SAG: variants seen among roughly 807,000 people sequenced by gnomAD.
SAG encodes S-arrestin.
SAG carries 45 observed loss-of-function variants against 55.0 expected under a neutral mutation model. That is an observed-to-expected ratio of 0.82 (90% confidence interval 0.64 to 1.05). The LOEUF (loss-of-function observed/expected upper bound fraction) is 1.05, where lower values mean the gene tolerates loss of function less well. Ranked by LOEUF, SAG falls within the 50% of genes least tolerant of loss-of-function variation. The probability of loss-of-function intolerance (pLI) is 0.00; values close to 1 mark genes in which losing one functional copy is unlikely to be tolerated. For missense variants in SAG, 455 were observed against 512.1 expected (o/e 0.89, Z 1.08); for synonymous variants, 189 against 197.4 (o/e 0.96, Z 0.36).
intron 3 of SAG, among the ~76,000 whole-genome samples, chr2:233,318,470 C>A (rs1700279030): frequency 6.6e-6 from 1 of 152,260 alleles, no homozygotes; most frequent in African/African-American, 2.4e-5. Context: ...TAGGCTCGAG[C>A]AGTCCTCCTG....
At chr2:233,325,237 A>G (rs4663508) in intron 6 of SAG, among the ~76,000 whole-genome samples, 11,058 of 150,586 alleles carry the variant, frequency 0.073, 505 homozygotes, top group Admixed American at 0.11. Context: ...TGGGCATGGT[A>G]GTGTGCTACT....
At chr2:233,308,505 G>A (rs943055695) in intron 1 of SAG, among the ~76,000 whole-genome samples, 1 of 151,464 alleles carries the variant, frequency 6.6e-6, no homozygotes, top group African/African-American at 2.4e-5. Flanking sequence ...CTTAATTCTA[G>A]ACCGCTAAGA....
chr2:233,320,076 A>C (rs1188398809), intron 4 of SAG: 2 of 745,966 alleles, frequency 2.7e-6, no homozygotes, highest in Non-Finnish European at 3.3e-6. Context: ...AATGCTCAGT[A>C]TGTTTCAGAG....
At chr2:233,315,848 G>A (rs1398476762) in intron 2 of SAG, among the ~76,000 whole-genome samples, 16 of 151,690 alleles carry the variant, frequency 1.1e-4, no homozygotes, top group South Asian at 2.1e-4. Context: ...GACTACAGGC[G>A]CGTGCCACCA....
chr2:233,331,499 G>A (rs1700761400), intron 9 of SAG, 141 bp from the exon 10 acceptor site: 1 of 707,870 alleles, frequency 1.4e-6, no homozygotes, highest in Non-Finnish European at 2.6e-6. Flanking sequence ...TGAAGCTGAG[G>A]GCTGAGAAAG....
In SAG at chr2:233,331,637, C is replaced by T. The variant is rs2125340580; in HGVS notation, c.734-3C>T. 2 of 1,608,922 alleles carry T rather than the reference C, an allele frequency of 1.2e-6. No individual in the cohort carries two copies. The highest frequency in any genetic ancestry group is 1.7e-6 in the Non-Finnish European group (2 of 1,175,396). On this transcript the variant is annotated splice_polypyrimidine_tract_variant and splice_region_variant and intron_variant, in intron 9 of 15. Transcript: ENST00000409110. The stretch of plus-strand genomic sequence containing the variant: ...CCACCGGACTCCCGTCTTCCCCTTG[C>T]AGTGGAACAGGTGGCCAATGTGGTT...
rs369174962 is a variant in SAG at position 233,329,525 on chromosome 2, C to A, written c.681C>A (p.Thr227=). 1 of 1,613,292 alleles carries A rather than the reference C, an allele frequency of 6.2e-7. No individual in the cohort carries two copies. The highest frequency in any genetic ancestry group is 1.7e-5 in the Admixed American group (1 of 60,022). The change falls in exon 9 of 16, where the codon ACC becomes ACA. Residue 227 remains threonine (T), a synonymous_variant. Transcript: ENST00000409110. ...TCCATGGGGAGCCCATCCCTGTGAC[C>A]GTGACTGTCACCAATAACACAGAGA... ...IYFHGEPIPV[T]VTVTNNTEKT... is the part of the protein sequence containing the mutation.
intron 9 of SAG, among the ~76,000 whole-genome samples, chr2:233,330,740 C>T (rs1389943704): frequency 6.6e-6 from 1 of 152,062 alleles, no homozygotes; most frequent in Non-Finnish European, 1.5e-5. Context: ...CCATGTTGGC[C>T]AGGCTGGTTT....
At position 233,327,114 on chromosome 2, in the gene SAG, C is replaced by T; in HGVS notation, c.436-7C>T. 6.2e-7 allele frequency: 1 copy of T among 1,613,378 alleles called. No individual in the cohort carries two copies. Among genetic ancestry groups the T allele is most frequent in the Non-Finnish European group, 8.5e-7 (1 of 1,179,356 alleles). On this transcript the variant is annotated splice_region_variant and splice_polypyrimidine_tract_variant and intron_variant, in intron 6 of 15. Coordinates refer to ENST00000409110, the MANE Select transcript of SAG (RefSeq NM_000541.5). Reference sequence around the variant, plus strand: ...ATCGCTGCCTGTCTGCTCTCTCTCCCCAACAGTCCTGTGGGGTTGACTTTG... The same window carrying T: ...ATCGCTGCCTGTCTGCTCTCTCTCCTCAACAGTCCTGTGGGGTTGACTTTG...
rs1276782626 is a variant in SAG at position 233,328,697 on chromosome 2, T to G, written c.648+84T>G. 6 of 1,411,982 alleles carry G rather than the reference T, an allele frequency of 4.2e-6. No individual in the cohort carries two copies. The African/African-American group carries it at 8.6e-5, about 20-fold the overall frequency. 87.5% of individuals were successfully genotyped at this position (1,411,982 alleles called of 1,614,324 possible). ...CCCCTCTCTTCACCAGCCCCAGCCC[T>G]TAACTACATGGGTGCCTTGCAAGGA... On this transcript the variant is annotated intron_variant, in intron 8 of 15. Transcript: ENST00000409110.
rs1016945688 is a variant in SAG at position 233,318,736 on chromosome 2, C to G, written c.137-15C>G. The G allele has an allele frequency of 6.2e-7, 1 of 1,612,724 alleles. No individual in the cohort carries two copies. Among genetic ancestry groups the G allele is most frequent in the African/African-American group, 1.3e-5 (1 of 74,884 alleles). ...TCTTCTCCACCCTCACTGCTCTCTCCCTCTTTTGCCTTAGATGGTGTCGTG... is the reference window on the plus strand; with the variant it reads ...TCTTCTCCACCCTCACTGCTCTCTCGCTCTTTTGCCTTAGATGGTGTCGTG... On this transcript the variant is annotated splice_polypyrimidine_tract_variant and intron_variant, in intron 3 of 15. Coordinates refer to ENST00000409110, the MANE Select transcript of SAG (RefSeq NM_000541.5).
intron 3 of SAG, among the ~76,000 whole-genome samples, chr2:233,316,581 G>A (rs4078936): frequency 0.046 from 6,945 of 152,274 alleles, 538 homozygotes; most frequent in African/African-American, 0.16. Flanking sequence ...AAAGTGCTGG[G>A]ATTACAGGCA....
chr2:233,308,508 C>T (rs548588420), intron 1 of SAG, among the ~76,000 whole-genome samples: 14 of 151,658 alleles, frequency 9.2e-5, no homozygotes, highest in Non-Finnish European at 1.8e-4. Context: ...AATTCTAGAC[C>T]GCTAAGATGG....
In SAG at chr2:233,340,242, C is replaced by A. The variant is rs1382186988; in HGVS notation, c.1023-213C>A. On this transcript the variant is annotated intron_variant, in intron 12 of 15. Transcript: ENST00000409110. The surrounding 1 kb of genome is among the most constrained non-coding windows in gnomAD (Gnocchi z 4.2). ...AAAGTGCTGGGATTACAGGCATGAT[C>A]CCCCATGCCCGGCCTTTTTAAACTA... is the stretch of plus-strand genomic sequence containing the variant. 6.6e-6 allele frequency among the ~76,000 whole-genome samples: 1 copy of A among 152,182 alleles called. No homozygotes were observed.
chr2:233,317,265 A>G (rs1178011245), intron 3 of SAG, among the ~76,000 whole-genome samples: 3 of 152,248 alleles, frequency 2.0e-5, no homozygotes, highest in Admixed American at 1.3e-4. Context: ...ACAAAAACCT[A>G]TACATGATTG....
chr2:233,329,063 AGGT>A (rs1307206846), intron 8 of SAG: 1 of 232,284 alleles, frequency 4.3e-6, no homozygotes, highest in Non-Finnish European at 8.5e-6. Context: ...TGGTGGGAAA[AGGT>A]GAGAGCTGCT....
chr2:233,315,963 G>A (rs978809066), intron 2 of SAG, 112 bp from the exon 3 acceptor site: 1 of 676,518 alleles, frequency 1.5e-6, no homozygotes, highest in African/African-American at 1.8e-5. Context: ...GCCTCCCAAA[G>A]TGCTAAGATT....
rs373268816 is a variant in SAG, at chr2:233,342,270, G to T, written c.1047-1G>T. Reference sequence around the variant, plus strand: ...CACCAATCTTCATTCTTTTTTTCTAGTGAAGTCGCCACTGAGGTCCCATTC... The same window carrying T: ...CACCAATCTTCATTCTTTTTTTCTATTGAAGTCGCCACTGAGGTCCCATTC... On this transcript the variant is annotated splice_acceptor_variant, in intron 13 of 15. Transcript: ENST00000409110. LOFTEE classifies it high-confidence loss of function. 2 of 1,604,150 alleles carry T rather than the reference G, an allele frequency of 1.2e-6. No homozygotes were observed. Among genetic ancestry groups the T allele is most frequent in the Non-Finnish European group, 1.7e-6 (2 of 1,174,630 alleles).
intron 7 of SAG, chr2:233,327,643 A>G (rs1292536530): frequency 6.5e-6 from 1 of 154,676 alleles, no homozygotes; most frequent in African/African-American, 2.4e-5. Context: ...CCCAGGTTCA[A>G]GCGATTCTCC....
Sources: allele counts gnomAD v4.1 joint callset (sites outside exome capture counted in the v4.1 genomes callset), GRCh38; gene constraint gnomAD v4.1.1; non-coding constraint Gnocchi (gnomAD v3.1); transcripts MANE v1.5; gene names NCBI Gene and HGNC (gene_info 2026-07-23, HGNC 2026-07-21).